Variants in AMZ2 observed in about 807,000 individuals in gnomAD.
AMZ2 encodes archaelysin family metallopeptidase 2.
Under a neutral mutation model 36.7 loss-of-function variants are expected in AMZ2, and 26 were observed. The ratio of observed to expected loss-of-function variants is 0.71; its 90% confidence interval spans 0.52 to 0.98. The LOEUF is 0.98. Ranked by LOEUF, AMZ2 falls within the 50% of genes least tolerant of loss-of-function variation. The pLI is 0.00. For missense variants in AMZ2, 394 were observed against 430.5 expected (o/e 0.92, Z 0.75); for synonymous variants, 144 against 149.1 (o/e 0.97, Z 0.25).
intron 1 of AMZ2, among the ~76,000 whole-genome samples, chr17:68,221,706 C>T (rs767906800): frequency 4.7e-5 from 7 of 150,322 alleles, no homozygotes; most frequent in Middle Eastern, 3.4e-3. Flanking sequence ...CCAGCCTGGG[C>T]GACAGAGCAA....
At chr17:68,247,991 C>T (rs114540853), upstream of AMZ2, 3,320 of 985,696 alleles carry the variant, frequency 3.4e-3, 86 homozygotes, top group African/African-American at 0.054. Flanking sequence ...CGCGACGCAG[C>T]GGCGCGGCGC....
At chr17:68,242,379 G>C (rs1177577849) in intron 1 of AMZ2, among the ~76,000 whole-genome samples, 2 of 143,092 alleles carry the variant, frequency 1.4e-5, no homozygotes, top group Non-Finnish European at 3.0e-5. Context: ...TAACTAAAGA[G>C]GGACAGAGAA....
In AMZ2 at chr17:68,223,517, A is replaced by G. The variant is rs1738091089; in HGVS notation, c.-67+17279A>G. 2.0e-5 allele frequency among the ~76,000 whole-genome samples: 3 copies of G among 151,234 alleles called. No homozygotes were observed. The South Asian group carries it at 6.3e-4, about 32-fold the overall frequency. On this transcript the variant is annotated intron_variant, in intron 1 of 7. Coordinates refer to the AMZ2 transcript ENST00000674770. The stretch of plus-strand genomic sequence containing the variant: ...CTACATTTTTTTCACTCAAGCCTTC[A>G]ATTCTAACTAATGGATTTTCTTTTC...
chr17:68,256,794 C>T lies in AMZ2; in HGVS notation c.928-20C>T, dbSNP rs782535147. ...TTTTGCTGTGGTTTGTTGAAGTGCG[C>T]ATCTTTCATGTTTTTCCAGGCACTG... is the stretch of plus-strand genomic sequence containing the variant. On this transcript the variant is annotated intron_variant, in intron 6 of 6. Transcript: ENST00000359904. The T allele has an allele frequency of 2.5e-6, 4 of 1,607,918 alleles. No homozygotes were observed. The South Asian group carries it at 4.4e-5, about 18-fold the overall frequency.
At chr17:68,207,903 C>G (rs1296002635) in intron 1 of AMZ2, among the ~76,000 whole-genome samples, 1 of 152,052 alleles carries the variant, frequency 6.6e-6, no homozygotes, top group African/African-American at 2.4e-5. Context: ...TGCTTGCGGG[C>G]CAGCGTGAGT....
intron 1 of AMZ2, among the ~76,000 whole-genome samples, chr17:68,220,746 C>T (rs1371291112): frequency 2.0e-5 from 3 of 151,330 alleles, no homozygotes; most frequent in Non-Finnish European, 2.9e-5. Flanking sequence ...CTTCCATCTA[C>T]GTGCAATCAG....
chr17:68,215,558 CAA>C (rs1330636138), intron 1 of AMZ2, among the ~76,000 whole-genome samples: 1 of 118,950 alleles, frequency 8.4e-6, no homozygotes, highest in African/African-American at 3.2e-5. Context: ...TGTCTGTCTC[CAA>C]AAAAAAAAGT....
intron 5 of AMZ2, among the ~76,000 whole-genome samples, chr17:68,255,454 C>T (rs2074827412): frequency 6.6e-6 from 1 of 152,214 alleles, no homozygotes; most frequent in Admixed American, 6.5e-5. Flanking sequence ...CAGCCTCCCA[C>T]AACCTGGTAT....
chr17:68,227,042 G>A (rs1316277374), intron 1 of AMZ2, among the ~76,000 whole-genome samples: 2 of 151,446 alleles, frequency 1.3e-5, no homozygotes, highest in Non-Finnish European at 2.9e-5. Flanking sequence ...TTCGGGCACC[G>A]AGAGAGGGAG....
intron 1 of AMZ2, among the ~76,000 whole-genome samples, chr17:68,225,722 C>T (rs1270878069): frequency 2.6e-5 from 4 of 151,934 alleles, no homozygotes; most frequent in Non-Finnish European, 5.9e-5. Context: ...TAACCTCCGC[C>T]TCCCAGGTCC....
At chr17:68,227,576 C>T (rs1178953019) in intron 1 of AMZ2, among the ~76,000 whole-genome samples, 1 of 152,180 alleles carries the variant, frequency 6.6e-6, no homozygotes, top group Non-Finnish European at 1.5e-5. Flanking sequence ...TTCTGGTGGC[C>T]AGCCGCATTC....
chr17:68,248,082 C>G lies in AMZ2; in HGVS notation c.-624C>G. 1.0e-6 allele frequency: 1 copy of G among 986,146 alleles called. No homozygotes were observed. Among genetic ancestry groups the G allele is most frequent in the African/African-American group, 1.7e-5 (1 of 57,354 alleles). The allele number at this position is 986,146 out of a possible 1,614,324, so 61.1% of individuals were successfully genotyped here. On this transcript the variant is annotated 5_prime_UTR_variant, in exon 1 of 7. Transcript: ENST00000359904. ...CGGTGCGCATGCGCGTGAGGGCTGC[C>G]GCGGGTGGGTGGTATCGAGGCCTGT...
upstream of AMZ2, chr17:68,247,073 G>A (rs1226079917): frequency 1.3e-5 from 2 of 151,030 alleles, no homozygotes; most frequent in East Asian, 1.9e-4. Context: ...GGTGGCCCAC[G>A]CCTGTAATCC....
Position 68,256,906 on chromosome 17 carries a change from C to G in AMZ2, c.1020C>G (p.Pro340=). 6.2e-7 allele frequency: 1 copy of G among 1,614,096 alleles called. No homozygotes were observed. Among genetic ancestry groups the G allele is most frequent in the Non-Finnish European group, 8.5e-7 (1 of 1,180,008 alleles). ...SHEDNGNLPK[P]VEAFKEWKEW... ...AGGATAATGGGAATTTACCGAAACC[C>G]GTGGAAGCCTTTAAGGAATGGAAAG... Residue 340 remains proline (P), a synonymous_variant, in exon 7 of 7, where the codon CCC becomes CCG. Coordinates refer to ENST00000359904, the MANE Select transcript of AMZ2 (RefSeq NM_016627.5).
At chr17:68,212,014 T>C (rs1213479472) in intron 1 of AMZ2, among the ~76,000 whole-genome samples, 1 of 151,898 alleles carries the variant, frequency 6.6e-6, no homozygotes, top group Non-Finnish European at 1.5e-5. Flanking sequence ...TATATATCTG[T>C]ATTTATATAT....
chr17:68,252,020 CTT>C (rs77277694), intron 4 of AMZ2, among the ~76,000 whole-genome samples: 2 of 144,188 alleles, frequency 1.4e-5, no homozygotes, highest in East Asian at 2.0e-4. Flanking sequence ...TATTTTTAAC[CTT>C]TTTTTTTTTT....
chr17:68,206,138 G>T (rs539660346), exon 1 of AMZ2: 8 of 1,307,418 alleles, frequency 6.1e-6, no homozygotes, highest in Non-Finnish European at 7.8e-6. Flanking sequence ...AGGAGGACGA[G>T]GCTGATTCCG....
intron 1 of AMZ2, among the ~76,000 whole-genome samples, chr17:68,220,585 T>C (rs1555728227): frequency 6.6e-6 from 1 of 152,036 alleles, no homozygotes; most frequent in Non-Finnish European, 1.5e-5. Flanking sequence ...CTGGACACTT[T>C]GGGTGATAAG....
At chr17:68,248,804 A>T in intron 1 of AMZ2, 99 bp downstream of exon 1, 2 of 978,104 alleles carry the variant, frequency 2.0e-6, no homozygotes, top group Non-Finnish European at 2.5e-6. Context: ...GCCTATGCTT[A>T]TATCAGAGCT....
Sources: gnomAD v4.1 joint callset for allele counts (sites outside exome capture counted in the v4.1 genomes callset) on GRCh38, gnomAD v4.1.1 for gene constraint, MANE v1.5 for transcripts, NCBI Gene and HGNC (gene_info 2026-07-23, HGNC 2026-07-21) for gene names.